The following DTHD1 variants were observed in gnomAD, a reference collection of about 807,000 sequenced individuals.
DTHD1 encodes death domain-containing protein 1.
DTHD1 carries 59 observed loss-of-function variants against 74.8 expected under a neutral mutation model. The ratio of observed to expected loss-of-function variants is 0.79; its 90% CI spans 0.64 to 0.98. The LOEUF is 0.98. Among genes scored for constraint, DTHD1 ranks in the 50% least tolerant of loss-of-function variants. The pLI, the probability that DTHD1 is intolerant of heterozygous loss-of-function variation, is 0.00. For synonymous variants in DTHD1, 365 were observed against 371.1 expected, an observed-to-expected ratio of 0.98 and a Z score of 0.19; for missense variants, 1,051 against 1,065.4, an observed-to-expected ratio of 0.99 and a Z score of 0.19.
intron 8 of DTHD1, among the ~76,000 whole-genome samples, chr4:36,327,922 A>C (rs1359867499): frequency 6.6e-6 from 1 of 152,192 alleles, no homozygotes; most frequent in African/African-American, 2.4e-5. Flanking sequence ...CCAGGGGCCT[A>C]AAGCTGTCTT....
intron 8 of DTHD1, among the ~76,000 whole-genome samples, chr4:36,329,052 G>A (rs1758517922): frequency 6.6e-6 from 1 of 152,176 alleles, no homozygotes; most frequent in Non-Finnish European, 1.5e-5. Flanking sequence ...AGACTACAAG[G>A]TTGTTTTTCT....
rs1051830945 is a variant in DTHD1 at position 36,346,860 on chromosome 4, GTCT to G, written c.*3044_*3046del. 5.3e-5 allele frequency among the ~76,000 whole-genome samples: 8 copies of G among 152,166 alleles called. No homozygotes were observed. Among genetic ancestry groups the G allele is most frequent in the East Asian group, 1.9e-4 (1 of 5,162 alleles). ...ACTCTCTCCTGTGCTTTGGTAACTG[GTCT>G]TCTTCTTGTCTCTTCAAGTCTAAGG... On this transcript the variant is annotated 3_prime_UTR_variant, in exon 10 of 10. Coordinates refer to ENST00000639862, the MANE Select transcript of DTHD1 (RefSeq NM_001170700.3).
chr4:36,286,777 C>A (rs572238360), intron 2 of DTHD1, among the ~76,000 whole-genome samples: 1 of 152,040 alleles, frequency 6.6e-6, no homozygotes, highest in Admixed American at 6.6e-5. Flanking sequence ...TGTTACTATA[C>A]GGAATACTTT....
chr4:36,291,776 C>T lies in DTHD1; in HGVS notation c.1218+1073C>T, dbSNP rs546831975. On this transcript the variant is annotated intron_variant, in intron 3 of 9. Coordinates refer to ENST00000639862, the MANE Select transcript of DTHD1 (RefSeq NM_001170700.3). The stretch of plus-strand genomic sequence containing the variant: ...CCGGGAAGCGGAGGGTGCGGTGAGC[C>T]GAGATCGCACCCCTGCACTCCAGCC... Among the ~76,000 whole-genome samples, 5 of 152,210 alleles carry T rather than the reference C, an allele frequency of 3.3e-5. No individual in the cohort carries two copies. The South Asian group carries it at 8.3e-4, about 25-fold the overall frequency.
intron 6 of DTHD1, 52 bp from the exon 7 acceptor site, chr4:36,308,152 T>C (rs1757165012): frequency 6.7e-7 from 1 of 1,482,010 alleles, no homozygotes; most frequent in Non-Finnish European, 9.1e-7. Flanking sequence ...ATATCAGTGA[T>C]GTTCTTGACA....
intron 5 of DTHD1, among the ~76,000 whole-genome samples, chr4:36,297,186 G>T (rs1756474603): frequency 6.6e-6 from 1 of 152,138 alleles, no homozygotes; most frequent in Non-Finnish European, 1.5e-5. Flanking sequence ...CTCAGGAGTG[G>T]CAGAGGAGCA....
At chr4:36,306,106 T>G in intron 5 of DTHD1, 85 bp from the exon 6 acceptor site, 1 of 1,225,710 alleles carries the variant, frequency 8.2e-7, no homozygotes, top group Non-Finnish European at 1.1e-6. Context: ...TGTTATTAGA[T>G]CATTCACAAT....
At chr4:36,303,084 A>G (rs1271231211) in intron 5 of DTHD1, among the ~76,000 whole-genome samples, 1 of 152,334 alleles carries the variant, frequency 6.6e-6, no homozygotes, top group Non-Finnish European at 1.5e-5. Context: ...GTGAGTCCCA[A>G]GCAAAATTGG....
intron 8 of DTHD1, among the ~76,000 whole-genome samples, chr4:36,322,336 C>T (rs1758079137): frequency 1.3e-5 from 2 of 152,072 alleles, no homozygotes; most frequent in Non-Finnish European, 2.9e-5. Context: ...ATAGAACTTG[C>T]ATTTTATGGA....
chr4:36,339,653 G>T (rs1201657355), intron 9 of DTHD1, among the ~76,000 whole-genome samples: 1 of 152,198 alleles, frequency 6.6e-6, no homozygotes, highest in Non-Finnish European at 1.5e-5. Flanking sequence ...TTTCAGGGTA[G>T]AATTGGAAAC....
chr4:36,302,614 A>G (rs1756842575), intron 5 of DTHD1, among the ~76,000 whole-genome samples: 1 of 152,206 alleles, frequency 6.6e-6, no homozygotes. Context: ...CAAATATTTC[A>G]CCACTTTAAA....
At chr4:36,290,071 G>A (rs555010458) in intron 2 of DTHD1, among the ~76,000 whole-genome samples, 1 of 152,212 alleles carries the variant, frequency 6.6e-6, no homozygotes, top group African/African-American at 2.4e-5. Flanking sequence ...AGTAACAAAA[G>A]TAATTATAGC....
rs73809172 is a variant in DTHD1 at position 36,319,009 on chromosome 4, T to G, written c.2340+2523T>G. 8.1e-3 allele frequency among the ~76,000 whole-genome samples: 1,237 copies of G among 152,340 alleles called. 11 individuals are homozygous for G. The highest frequency in any genetic ancestry group is 0.027 in the African/African-American group (1,106 of 41,576). On this transcript the variant is annotated intron_variant, in intron 8 of 9. Transcript: ENST00000639862. ...TTCCCTGAGATAGTCCCATAGCTGC[T>G]TCTTTATCATTCAGGGCTCAGCTCA... is the stretch of plus-strand genomic sequence containing the variant.
At chr4:36,320,349 C>T (rs529301831) in intron 8 of DTHD1, among the ~76,000 whole-genome samples, 15 of 152,258 alleles carry the variant, frequency 9.9e-5, no homozygotes, top group East Asian at 3.9e-4. Flanking sequence ...ATTGCCAGTG[C>T]GGACACATAG....
chr4:36,332,794 T>C (rs902522068), intron 8 of DTHD1: 2 of 152,138 alleles, frequency 1.3e-5, no homozygotes, highest in Non-Finnish European at 2.9e-5. Flanking sequence ...GAGCTCCCCA[T>C]CTTCCACACA....
chr4:36,285,215 A>G (rs982221130), intron 2 of DTHD1, among the ~76,000 whole-genome samples: 1 of 152,194 alleles, frequency 6.6e-6, no homozygotes, highest in Non-Finnish European at 1.5e-5. Context: ...TAAAATGAGC[A>G]ATTGTCCAGA....
At chr4:36,305,268 A>G (rs1484226845) in intron 5 of DTHD1, among the ~76,000 whole-genome samples, 2 of 152,198 alleles carry the variant, frequency 1.3e-5, no homozygotes, top group Non-Finnish European at 2.9e-5. Context: ...AGACATACCC[A>G]AGACTGGATA....
intron 9 of DTHD1, 98 bp downstream of exon 9, chr4:36,339,267 A>C: frequency 1.1e-6 from 1 of 871,902 alleles, no homozygotes; most frequent in Non-Finnish European, 1.7e-6. Context: ...GGAGAAAGTG[A>C]CTTTCCAATC....
At chr4:36,283,354 G>T (rs1209882821) in intron 1 of DTHD1, among the ~76,000 whole-genome samples, 2 of 152,180 alleles carry the variant, frequency 1.3e-5, no homozygotes, top group Admixed American at 1.3e-4. Flanking sequence ...TCCAATCAGA[G>T]AATTGGTATG....
Sources: gnomAD v4.1 joint callset for allele counts (sites outside exome capture counted in the v4.1 genomes callset) on GRCh38, gnomAD v4.1.1 for gene constraint, MANE v1.5 for transcripts, NCBI Gene and HGNC (gene_info 2026-07-23, HGNC 2026-07-21) for gene names.